The following TBR1 variants were observed in gnomAD, a reference collection of about 807,000 sequenced individuals.
TBR1 encodes T-box brain protein 1.
A neutral mutation model predicts 60.3 loss-of-function variants in TBR1; 7 were observed. That is an observed-to-expected ratio of 0.12 (90% CI 0.07 to 0.22). The LOEUF (loss-of-function observed/expected upper bound fraction) is 0.22, where lower values mean the gene tolerates loss of function less well. TBR1 is among the 10% of genes least tolerant of loss of function. The pLI, the probability that TBR1 is intolerant of heterozygous loss-of-function variation, is 1.00. For missense variants in TBR1, 616 were observed against 936.8 expected (o/e 0.66, Z 4.47); for synonymous variants, 417 against 409.9 (o/e 1.02, Z -0.21).
chr2:161,423,307 C>A, intron 5 of TBR1, 62 bp from the exon 6 acceptor site: 1 of 997,740 alleles, frequency 1.0e-6, no homozygotes, highest in Non-Finnish European at 1.4e-6. Flanking sequence ...TGCCCCCACC[C>A]CCACCCCAAG....
intron 3 of TBR1, 190 bp downstream of exon 3, chr2:161,418,512 C>T (rs1684171205): frequency 1.1e-6 from 1 of 872,378 alleles, no homozygotes. Context: ...GGCAACACCT[C>T]CGTCGGCCCA....
Position 161,424,347 on chromosome 2 carries a change from C to G in TBR1, c.*120C>G, listed in dbSNP as rs372877406. The G allele has an allele frequency of 2.6e-6, 3 of 1,139,646 alleles. No individual in the cohort carries two copies. The highest frequency in any genetic ancestry group is 1.6e-5 in the South Asian group (1 of 61,896). The allele number at this position is 1,139,646 out of a possible 1,614,324, so 70.6% of individuals were successfully genotyped here. On this transcript the variant is annotated 3_prime_UTR_variant, in exon 6 of 6. Transcript: ENST00000389554. This position sits in a 1 kb window ranked among gnomAD's most constrained non-coding sequence, Gnocchi z 4.4. ...GCACCCACTCATTTTATTTGACCCT[C>G]GATGGCCGTCTGCAGCGAATAAGTG...
chr2:161,421,752 A>G (rs925062261), intron 5 of TBR1: 2 of 152,016 alleles, frequency 1.3e-5, no homozygotes, highest in Admixed American at 6.6e-5. Flanking sequence ...GCCTCCCTCT[A>G]CTTCTCTTAT....
chr2:161,423,527 G>A lies in TBR1; in HGVS notation c.1349G>A (p.Gly450Asp). The A allele has an allele frequency of 6.3e-7, 1 of 1,579,900 alleles. No homozygotes were observed. Among genetic ancestry groups the A allele is most frequent in the Non-Finnish European group, 8.6e-7 (1 of 1,165,910 alleles). Reference sequence around the variant, plus strand: ...AAGGCCCGCTTCCACCCGGGCGCGGGCGCGGGCCCCGGGCCGGGTACGGAC... The same window carrying A: ...AAGGCCCGCTTCCACCCGGGCGCGGACGCGGGCCCCGGGCCGGGTACGGAC... ...YAKARFHPGA[G>D]AGPGPGTDRS... The change falls in exon 6 of 6, where the codon GGC (glycine) becomes GAC (aspartate). Residue 450 changes from glycine to aspartate, a missense_variant. This residue lies in a region of TBR1 where 80 missense variants were observed against 75.3 expected (regional missense o/e 1.06). Coordinates refer to ENST00000389554, the MANE Select transcript of TBR1 (RefSeq NM_006593.4).
chr2:161,417,728 C>T lies in TBR1; in HGVS notation c.745C>T (p.His249Tyr). 1.2e-6 allele frequency: 2 copies of T among 1,614,112 alleles called. No homozygotes were observed. The highest frequency in any genetic ancestry group is 1.7e-6 in the Non-Finnish European group (2 of 1,180,022). Residue 249 changes from histidine to tyrosine, a missense_variant, in exon 2 of 6, where the codon CAT becomes TAT. By Grantham distance (83) the His-to-Tyr change is moderately conservative. Around this residue, in one of 8 missense-constraint regions of TBR1, gnomAD observed 85 missense variants for 164.9 expected, o/e 0.52. Coordinates refer to ENST00000389554, the MANE Select transcript of TBR1 (RefSeq NM_006593.4). This position sits in a 1 kb window ranked among gnomAD's most constrained non-coding sequence, Gnocchi z 5.3. ...FNISGLDPTAHYNIFVDVILA... is the reference protein window; with the variant it reads ...FNISGLDPTAYYNIFVDVILA... ...CATTTCTGGTCTCGATCCCACGGCTCATTACAATATTTTTGTGGATGTGAT... is the reference window on the plus strand; with the variant it reads ...CATTTCTGGTCTCGATCCCACGGCTTATTACAATATTTTTGTGGATGTGAT...
chr2:161,425,123 C>G lies in TBR1; in HGVS notation c.*896C>G, dbSNP rs1314991130. On this transcript the variant is annotated 3_prime_UTR_variant, in exon 6 of 6. Transcript: ENST00000389554. ...CATGATGCCTGCAAAGCAAAGTCAA[C>G]TGGAGTTGTATGTTCCCCCCACCTT... The G allele has an allele frequency of 6.6e-6, 1 of 152,240 alleles. No individual in the cohort carries two copies. 9.4% of individuals were successfully genotyped at this position (152,240 alleles called of 1,614,324 possible).
chr2:161,420,362 C>A, intron 5 of TBR1, 105 bp downstream of exon 5: 11 of 639,536 alleles, frequency 1.7e-5, no homozygotes, highest in Admixed American at 3.1e-5. Flanking sequence ...TGTGTGAAGA[C>A]AAGGTTGTTT....
At position 161,424,277 on chromosome 2, in the gene TBR1, C is replaced by G. The variant is rs755111332; in HGVS notation, c.*50C>G. 5.4e-6 allele frequency: 8 copies of G among 1,492,220 alleles called. No homozygotes were observed. The African/African-American group carries it at 5.6e-5, about 10-fold the overall frequency. 92.4% of individuals were successfully genotyped at this position (1,492,220 alleles called of 1,614,324 possible). A position where few individuals can be genotyped will look rare whatever the true frequency, so the allele number is the denominator to read the frequency against. On this transcript the variant is annotated 3_prime_UTR_variant, in exon 6 of 6. Transcript: ENST00000389554. This position sits in a 1 kb window ranked among gnomAD's most constrained non-coding sequence, Gnocchi z 4.4. The stretch of plus-strand genomic sequence containing the variant: ...CCGCGGCCCGGACCCCCAGCCAGCC[C>G]CTCACAGCTCTTCCCCAGCTCCGCC...
chr2:161,419,147 C>T (rs549000449), intron 4 of TBR1, 97 bp downstream of exon 4: 1 of 1,554,190 alleles, frequency 6.4e-7, no homozygotes, highest in South Asian at 1.2e-5. Context: ...GTACTAGCAG[C>T]GCTAACATCA....
At chr2:161,419,955 TAATTGA>T (rs1393908325) in intron 4 of TBR1, 10 of 299,740 alleles carry the variant, frequency 3.3e-5, no homozygotes, top group Non-Finnish European at 6.2e-5. Flanking sequence ...ACAGGAGAGC[TAATTGA>T]AAGCAGTTCT....
At chr2:161,420,018 T>A (rs2105280340) in intron 4 of TBR1, 178 bp from the exon 5 acceptor site, 2 of 458,548 alleles carry the variant, frequency 4.4e-6, no homozygotes, top group Admixed American at 3.9e-5. Context: ...ATAACTTTCA[T>A]GATACTTTCT....
intron 5 of TBR1, 161 bp downstream of exon 5, chr2:161,420,418 CTTTTTTTTT>C (rs67826360): frequency 1.2e-4 from 11 of 95,434 alleles, no homozygotes; most frequent in East Asian, 2.5e-4. Context: ...TCTTCCTCTT[CTTTTTTTTT>C]TTTTTTTTTT....
In TBR1 at chr2:161,417,657, C is replaced by G. The variant is rs750974575; in HGVS notation, c.693-19C>G. 1.2e-6 allele frequency: 2 copies of G among 1,606,524 alleles called. No individual in the cohort carries two copies. Among genetic ancestry groups the G allele is most frequent in the South Asian group, 1.1e-5 (1 of 89,328 alleles). On this transcript the variant is annotated intron_variant, in intron 1 of 5. Coordinates refer to ENST00000389554, the MANE Select transcript of TBR1 (RefSeq NM_006593.4). The surrounding 1 kb of genome is among the most constrained non-coding windows in gnomAD (Gnocchi z 5.3). ...TTCTTTTTTCCTTGTTTTCTCCCCC[C>G]ACCCCTTAATTTAAATAGGCGCATG...
intron 3 of TBR1, 166 bp from the exon 4 acceptor site, chr2:161,418,726 C>A: frequency 1.0e-6 from 1 of 969,672 alleles, no homozygotes. Context: ...CCGGTCTGCC[C>A]CAGCCAGCCA....
At chr2:161,418,849 G>A in intron 3 of TBR1, 43 bp from the exon 4 acceptor site, 2 of 1,593,748 alleles carry the variant, frequency 1.3e-6, no homozygotes, top group African/African-American at 1.4e-5. Flanking sequence ...CAGCGACCGC[G>A]TTAACACGCC....
rs369968271 is a variant in TBR1, at chr2:161,420,309, G to A, written c.1190+52G>A. 11 of 1,472,556 alleles carry A rather than the reference G, an allele frequency of 7.5e-6. No individual in the cohort carries two copies. In the African/African-American group the frequency reaches 1.1e-4, roughly 15 times the overall value. The allele number at this position is 1,472,556 out of a possible 1,614,324, so 91.2% of individuals were successfully genotyped here. On this transcript the variant is annotated intron_variant, in intron 5 of 5. Transcript: ENST00000389554. ...AAATAGCTGTGGAATTGGGCTTTAG[G>A]TCAAAGGTGTATTATTATGTACAAG...
chr2:161,419,058 G>A lies in TBR1; in HGVS notation c.1128+8G>A. 1 of 1,613,966 alleles carries A rather than the reference G, an allele frequency of 6.2e-7. No homozygotes were observed. The highest frequency in any genetic ancestry group is 8.5e-7 in the Non-Finnish European group (1 of 1,179,948). On this transcript the variant is annotated splice_region_variant and intron_variant, in intron 4 of 5. Coordinates refer to ENST00000389554, the MANE Select transcript of TBR1 (RefSeq NM_006593.4). ...GCCTACCAGAACACGGATGTAAGGA[G>A]ACCTAGGGGCTGGGGGCGAGGCGGG...
Position 161,416,546 on chromosome 2 carries a change from C to G in TBR1, c.136C>G (p.Leu46Val). ...DHPIISTTDN[L>V]ERSSPLKKIT... ...TCCCATTATCTCGACCACTGACAAC[C>G]TGGAGAGAAGTTCACCTTTGAAAAA... Residue 46 changes from leucine to valine, a missense_variant, in exon 1 of 6, where the codon CTG (leucine) becomes GTG (valine). This residue lies in a region of TBR1 where 211 missense variants were observed against 268.7 expected (regional missense o/e 0.79). Coordinates refer to ENST00000389554, the MANE Select transcript of TBR1 (RefSeq NM_006593.4). The surrounding 1 kb of genome is among the most constrained non-coding windows in gnomAD (Gnocchi z 6.1). The G allele has an allele frequency of 6.2e-7, 1 of 1,614,176 alleles. No homozygotes were observed. Among genetic ancestry groups the G allele is most frequent in the Non-Finnish European group, 8.5e-7 (1 of 1,180,048 alleles).
Position 161,417,001 on chromosome 2 carries a change from G to C in TBR1, c.591G>C (p.Pro197=), listed in dbSNP as rs761081565. 6.2e-7 allele frequency: 1 copy of C among 1,614,152 alleles called. No homozygotes were observed. The highest frequency in any genetic ancestry group is 2.2e-5 in the East Asian group (1 of 44,858). ...APFYQFSSTQ[P]GLVPGKAQVY... is the part of the protein sequence containing the mutation. ...TCTACCAGTTCTCCTCCACCCAGCC[G>C]GGGCTGGTGCCCGGCAAAGCACAGG... The change falls in exon 1 of 6, where the codon CCG becomes CCC. Residue 197 remains proline (P), a synonymous_variant. Coordinates refer to ENST00000389554, the MANE Select transcript of TBR1 (RefSeq NM_006593.4). The surrounding 1 kb of genome is among the most constrained non-coding windows in gnomAD (Gnocchi z 5.3).
Sources: allele counts gnomAD v4.1 joint callset, GRCh38; gene constraint gnomAD v4.1.1; regional missense constraint gnomAD v4.1.1; non-coding constraint Gnocchi (gnomAD v3.1); transcripts MANE v1.5; gene names NCBI Gene and HGNC (gene_info 2026-07-23, HGNC 2026-07-21).